The following RABGAP1 variants were observed in gnomAD, a reference collection of about 807,000 sequenced individuals.
RABGAP1 encodes the protein RAB GTPase activating protein 1, also known as rab GTPase-activating protein 1.
RABGAP1 carries 23 observed loss-of-function variants against 137.6 expected under a neutral mutation model. The observed-to-expected ratio is 0.17, with a 90% CI of 0.12 to 0.24. The LOEUF (loss-of-function observed/expected upper bound fraction) is 0.24. Ranked by LOEUF, RABGAP1 falls within the 10% of genes least tolerant of loss-of-function variation. The pLI, the probability that RABGAP1 is intolerant of heterozygous loss-of-function variation, is 1.00. For synonymous variants in RABGAP1, 451 were observed against 450.7 expected (o/e 1.00, Z -0.01); for missense variants, 906 against 1,275.8 (o/e 0.71, Z 4.42).
chr9:123,044,921 C>T (rs988259460), intron 13 of RABGAP1, among the ~76,000 whole-genome samples: 4 of 151,968 alleles, frequency 2.6e-5, no homozygotes, highest in African/African-American at 9.7e-5. Flanking sequence ...TAAAGGAACC[C>T]AAAGGATCAA....
In RABGAP1 at chr9:123,090,331, CTT is replaced by C; in HGVS notation, c.2575_2576del (p.Leu859SerfsTer3). On this transcript the variant is annotated frameshift_variant, in exon 21 of 26. Coordinates refer to ENST00000373647, the MANE Select transcript of RABGAP1 (RefSeq NM_012197.4). LOFTEE classifies it high-confidence loss of function. ...NMRLEQENDD[L>X]AHELVTSKIA... ...TGAGGTTGGAACAGGAAAACGATGACTTAGCCCATGAGCTGGTGACCAGCAAG... is the reference window on the plus strand; with the variant it reads ...TGAGGTTGGAACAGGAAAACGATGACAGCCCATGAGCTGGTGACCAGCAAG... 1 of 1,613,604 alleles carries C rather than the reference CTT, an allele frequency of 6.2e-7. No homozygotes were observed. The highest frequency in any genetic ancestry group is 8.5e-7 in the Non-Finnish European group (1 of 1,179,876).
chr9:122,940,148 C>G (rs1316405263), upstream of RABGAP1: 1 of 152,154 alleles, frequency 6.6e-6, no homozygotes, highest in Non-Finnish European at 1.5e-5. Flanking sequence ...AGCACTGCAT[C>G]CTGGACAAGA....
intron 2 of RABGAP1, among the ~76,000 whole-genome samples, chr9:122,974,346 G>T (rs1835645475): frequency 6.6e-6 from 1 of 150,994 alleles, no homozygotes; most frequent in African/African-American, 2.4e-5. Context: ...CATGGAGTCA[G>T]GACTACTGTA....
At chr9:122,952,443 T>C (rs1564354265) in intron 1 of RABGAP1, among the ~76,000 whole-genome samples, 2 of 151,910 alleles carry the variant, frequency 1.3e-5, no homozygotes, top group Non-Finnish European at 2.9e-5. Flanking sequence ...TTCTTTTTTG[T>C]ATTTTGAGTA....
At chr9:123,062,933 C>A (rs1588361406) in intron 13 of RABGAP1, among the ~76,000 whole-genome samples, 1 of 152,178 alleles carries the variant, frequency 6.6e-6, no homozygotes, top group Non-Finnish European at 1.5e-5. Context: ...GGATTACAGG[C>A]ACCTGCCACC....
chr9:122,938,011 T>C (rs1428926689), upstream of RABGAP1: 1 of 152,020 alleles, frequency 6.6e-6, no homozygotes, highest in African/African-American at 2.4e-5. Context: ...TGAAATGAAA[T>C]TCTAGACCTG....
At chr9:122,982,198 A>G (rs1160707938) in intron 2 of RABGAP1, among the ~76,000 whole-genome samples, 4 of 152,220 alleles carry the variant, frequency 2.6e-5, no homozygotes, top group Non-Finnish European at 5.9e-5. Flanking sequence ...CTATTTTTAA[A>G]CCACTCTTAC....
intron 6 of RABGAP1, chr9:122,990,798 T>TATAG (rs1836675396): frequency 2.8e-5 from 1 of 35,634 alleles, no homozygotes; most frequent in African/African-American, 1.8e-4. Flanking sequence ...AAAAAAAAAA[T>TATAG]ATATATATAT....
chr9:122,997,316 C>T lies in RABGAP1; in HGVS notation c.1159C>T (p.Pro387Ser). 6.2e-7 allele frequency: 1 copy of T among 1,611,778 alleles called. No individual in the cohort carries two copies. The highest frequency in any genetic ancestry group is 8.5e-7 in the Non-Finnish European group (1 of 1,178,936). Residue 387 changes from proline to serine, a missense_variant, in exon 9 of 26, where the codon CCA becomes TCA. Physicochemically the swap from Pro to Ser is moderately conservative, Grantham distance 74 (BLOSUM62 -1). This residue lies in a region of RABGAP1 where 212 missense variants were observed against 289.4 expected (regional missense o/e 0.73). Coordinates refer to ENST00000373647, the MANE Select transcript of RABGAP1 (RefSeq NM_012197.4). ...GTATGTTATTACGGGGAGCTGGAAT[C>T]CAAAATCCCCACATTTTCAAGTTGT... is the stretch of plus-strand genomic sequence containing the variant. ...KSYVITGSWNPKSPHFQVVNE... is the reference protein window; with the variant it reads ...KSYVITGSWNSKSPHFQVVNE...
upstream of RABGAP1, chr9:122,938,673 C>T (rs529365224): frequency 5.1e-4 from 77 of 152,202 alleles, no homozygotes; most frequent in South Asian, 3.5e-3. Flanking sequence ...ATTGTAGATA[C>T]AATGTTATGT....
At chr9:122,934,463 G>A in the RABGAP1 span, among the ~76,000 whole-genome samples, 1 of 152,026 alleles carries the variant, frequency 6.6e-6, no homozygotes, top group Non-Finnish European at 1.5e-5. Flanking sequence ...CATGTGGATT[G>A]TGTGTGTGTG....
chr9:123,010,487 G>A lies in RABGAP1; in HGVS notation c.1508G>A (p.Ser503Asn). ...CGCCTGCCACAGTCTGGATCGCAAA[G>A]TTCAGTGATACCTTCTCCTCCAGAA... ...SVRLPQSGSQ[S>N]SVIPSPPEDD... Residue 503 changes from serine (S) to asparagine (N), a missense_variant, in exon 11 of 26, where the codon AGT becomes AAT. Transcript: ENST00000373647. The A allele has an allele frequency of 1.2e-6, 2 of 1,613,902 alleles. No individual in the cohort carries two copies. The highest frequency in any genetic ancestry group is 1.7e-6 in the Non-Finnish European group (2 of 1,179,834).
chr9:122,938,333 TCA>T (rs1330984329), upstream of RABGAP1: 1 of 152,222 alleles, frequency 6.6e-6, no homozygotes, highest in African/African-American at 2.4e-5. Flanking sequence ...AGAGTGAACT[TCA>T]GTTTCCTTAT....
intron 5 of RABGAP1, 155 bp downstream of exon 5, chr9:122,989,626 T>C (rs1425090585): frequency 2.6e-6 from 2 of 773,908 alleles, no homozygotes; most frequent in East Asian, 5.4e-5. Flanking sequence ...AAAATATAAA[T>C]TAACTAAAAA....
chr9:122,957,422 C>T (rs1372944830), intron 2 of RABGAP1, among the ~76,000 whole-genome samples: 3 of 152,162 alleles, frequency 2.0e-5, no homozygotes, highest in Admixed American at 6.5e-5. Context: ...TTCAATACCC[C>T]TAAGTGTCAA....
chr9:123,064,530 T>G (rs2034104126), intron 13 of RABGAP1, among the ~76,000 whole-genome samples: 2 of 152,190 alleles, frequency 1.3e-5, no homozygotes, highest in Non-Finnish European at 1.5e-5. Context: ...GTATACTGAT[T>G]ATGATGTATT....
intron 2 of RABGAP1, among the ~76,000 whole-genome samples, chr9:122,972,848 AGGTAT>A (rs1351237864): frequency 2.0e-5 from 3 of 152,042 alleles, no homozygotes; most frequent in African/African-American, 7.2e-5. Context: ...GAAAACATAA[AGGTAT>A]GGCCGGGCGT....
intron 11 of RABGAP1, among the ~76,000 whole-genome samples, 169 bp downstream of exon 11, chr9:123,010,697 A>G (rs1246914295): frequency 1.3e-5 from 2 of 152,224 alleles, no homozygotes; most frequent in Non-Finnish European, 2.9e-5. Flanking sequence ...AAAATGATTA[A>G]CATTGAGTTT....
Position 123,074,339 on chromosome 9 carries a change from A to T in RABGAP1, c.2164A>T (p.Met722Leu). ...HFLDISLEAH[M>L]YASQWFLTLF... ...CCTGGATATAAGCCTTGAAGCACAC[A>T]TGTATGCCTCCCAGTGGTTTCTTAC... is the stretch of plus-strand genomic sequence containing the variant. The change falls in exon 17 of 26, where the codon ATG (methionine) becomes TTG (leucine). Residue 722 changes from methionine (M) to leucine (L), a missense_variant. Met to Leu is a conservative substitution (Grantham distance 15, BLOSUM62 2). Transcript: ENST00000373647. The T allele has an allele frequency of 6.2e-7, 1 of 1,613,722 alleles. No individual in the cohort carries two copies. Among genetic ancestry groups the T allele is most frequent in the Non-Finnish European group, 8.5e-7 (1 of 1,179,704 alleles).
Sources: allele counts gnomAD v4.1 joint callset (sites outside exome capture counted in the v4.1 genomes callset), GRCh38; gene constraint gnomAD v4.1.1; regional missense constraint gnomAD v4.1.1; transcripts MANE v1.5; gene names NCBI Gene and HGNC (gene_info 2026-07-23, HGNC 2026-07-21).